NARF: variants seen among roughly 807,000 people sequenced by gnomAD.
NARF encodes the protein nuclear prelamin A recognition factor.
In NARF, 41 loss-of-function variants were observed where a neutral mutation model predicts 48.0. The ratio of observed to expected loss-of-function variants is 0.85; its 90% CI spans 0.66 to 1.11. The LOEUF is 1.11. NARF is among the 50% of genes least tolerant of loss of function. NARF has a pLI of 0.00. For missense variants in NARF, 613 were observed against 590.2 expected (o/e 1.04, Z -0.40); for synonymous variants, 215 against 225.5 (o/e 0.95, Z 0.42).
At position 82,468,704 on chromosome 17, in the gene NARF, T is replaced by A. The variant is rs991204272; in HGVS notation, c.253-60T>A. On this transcript the variant is annotated intron_variant, in intron 3 of 10. Coordinates refer to ENST00000309794, the MANE Select transcript of NARF (RefSeq NM_012336.4). ...TTGTTCTGAATTTCTCATTAAGGTGTGTAACTTTTACTCCTTGTGTAATCA... is the reference window on the plus strand; with the variant it reads ...TTGTTCTGAATTTCTCATTAAGGTGAGTAACTTTTACTCCTTGTGTAATCA... 11 of 1,552,316 alleles carry A rather than the reference T, an allele frequency of 7.1e-6. No homozygotes were observed. In the Admixed American group the frequency reaches 1.7e-4, roughly 25 times the overall value.
intron 6 of NARF, chr17:82,480,790 G>A: frequency 5.9e-6 from 3 of 510,924 alleles, no homozygotes; most frequent in Non-Finnish European, 1.0e-5. Flanking sequence ...AAATTAGCCA[G>A]GCGTGGCGGC....
intron 4 of NARF, among the ~76,000 whole-genome samples, chr17:82,470,201 C>T (rs920150054): frequency 1.4e-4 from 21 of 152,260 alleles, no homozygotes; most frequent in African/African-American, 3.9e-4. Context: ...GTGCCCTAGG[C>T]GCCTGGGCTC....
intron 5 of NARF, 94 bp downstream of exon 5, chr17:82,472,792 C>T: frequency 2.1e-6 from 3 of 1,430,938 alleles, no homozygotes; most frequent in South Asian, 2.8e-5. Flanking sequence ...GGCAGACAGA[C>T]CCATCCCACC....
In NARF at chr17:82,458,847, G is replaced by A. The variant is rs1323888738; in HGVS notation, c.27+17G>A. ...ACGCGCAAGGTGAGCGCCGCGGGCC[G>A]GGGAGGCGCGCGCCTGGTGCTTGTC... On this transcript the variant is annotated intron_variant, in intron 1 of 10. Transcript: ENST00000309794. 3.6e-6 allele frequency: 5 copies of A among 1,396,694 alleles called. No individual in the cohort carries two copies. Among genetic ancestry groups the A allele is most frequent in the Non-Finnish European group, 3.7e-6 (4 of 1,077,252 alleles). The allele number at this position is 1,396,694 out of a possible 1,614,324, so 86.5% of individuals were successfully genotyped here.
At chr17:82,481,769 C>T in intron 7 of NARF, 1 of 431,574 alleles carries the variant, frequency 2.3e-6, no homozygotes, top group Non-Finnish European at 4.6e-6. Flanking sequence ...CCTGGGAGAA[C>T]CACTTGGGCA....
chr17:82,465,691 G>T (rs577116824), intron 3 of NARF, among the ~76,000 whole-genome samples: 106 of 152,264 alleles, frequency 7.0e-4, no homozygotes, highest in African/African-American at 2.5e-3. Flanking sequence ...GTAGCCTCCA[G>T]AGCAGCTGGG....
At chr17:82,460,455 ACT>A (rs2043408651) in intron 2 of NARF, 1 of 156,714 alleles carries the variant, frequency 6.4e-6, no homozygotes, top group Admixed American at 6.5e-5. Flanking sequence ...ACAGAGTGAG[ACT>A]CTGTCCCAAA....
Position 82,487,784 on chromosome 17 carries a change from C to T in NARF, c.1130-132C>T, listed in dbSNP as rs1183156480. ...GCAACATAGCAACACCCGCCCCTCCCGCCCAATCTCTACAAAAAATTTAAA... is the reference window on the plus strand; with the variant it reads ...GCAACATAGCAACACCCGCCCCTCCTGCCCAATCTCTACAAAAAATTTAAA... On this transcript the variant is annotated intron_variant, in intron 10 of 10. Coordinates refer to ENST00000309794, the MANE Select transcript of NARF (RefSeq NM_012336.4). 9 of 649,768 alleles carry T rather than the reference C, an allele frequency of 1.4e-5. 1 individual carries two copies. The highest frequency in any genetic ancestry group is 5.5e-5 in the South Asian group (3 of 55,018). The allele number at this position is 649,768 out of a possible 1,614,324, so 40.3% of individuals were successfully genotyped here. A position where few individuals can be genotyped will look rare whatever the true frequency, so the allele number is the denominator to read the frequency against.
At chr17:82,479,614 T>A (rs1337865723) in intron 6 of NARF, among the ~76,000 whole-genome samples, 1 of 152,228 alleles carries the variant, frequency 6.6e-6, no homozygotes, top group Non-Finnish European at 1.5e-5. Context: ...CCCACACTGC[T>A]CTTCTCAATC....
rs893200985 is a variant in NARF, at chr17:82,488,414, C to T, written c.*257C>T. The T allele has an allele frequency of 1.4e-5, 6 of 423,488 alleles. No homozygotes were observed. The highest frequency in any genetic ancestry group is 2.0e-5 in the African/African-American group (1 of 48,788). The allele number at this position is 423,488 out of a possible 1,614,324, so 26.2% of individuals were successfully genotyped here. A position where few individuals can be genotyped will look rare whatever the true frequency, so the allele number is the denominator to read the frequency against. On this transcript the variant is annotated 3_prime_UTR_variant, in exon 11 of 11. Transcript: ENST00000309794. ...TTTTTGAGACGGAGTCTCACTCTGT[C>T]ACCCAGGCTGGAGTGCAATGGCGCA... is the stretch of plus-strand genomic sequence containing the variant.
chr17:82,485,691 A>G, intron 10 of NARF, 37 bp downstream of exon 10: 1 of 1,610,338 alleles, frequency 6.2e-7, no homozygotes, highest in Non-Finnish European at 8.5e-7. Flanking sequence ...TCTGTCTCCC[A>G]CGGGTGCTCA....
At position 82,483,789 on chromosome 17, in the gene NARF, T is replaced by C. The variant is rs1358491039; in HGVS notation, c.833+10T>C. On this transcript the variant is annotated intron_variant, in intron 8 of 10. Coordinates refer to ENST00000309794, the MANE Select transcript of NARF (RefSeq NM_012336.4). ...CTGCCGTCGACACTCTGTAAGTGGC[T>C]TCTCTGGGGAGAGTCCTCTGGGGGG... The C allele has an allele frequency of 1.2e-6, 2 of 1,613,138 alleles. No homozygotes were observed. Among genetic ancestry groups the C allele is most frequent in the Admixed American group, 3.3e-5 (2 of 60,012 alleles).
chr17:82,480,309 A>ACACT (rs1555629562), intron 6 of NARF: 5 of 398,578 alleles, frequency 1.3e-5, no homozygotes, highest in Non-Finnish European at 2.2e-5. Context: ...ACACACACAC[A>ACACT]CACTCACTCA....
chr17:82,464,561 A>G, intron 3 of NARF, 131 bp downstream of exon 3: 1 of 1,184,022 alleles, frequency 8.4e-7, no homozygotes, highest in South Asian at 1.6e-5. Context: ...TGGTGTTGCT[A>G]ACATCCTGCT....
At chr17:82,483,875 C>A in intron 8 of NARF, 96 bp downstream of exon 8, 2 of 1,180,150 alleles carry the variant, frequency 1.7e-6, no homozygotes, top group Admixed American at 1.8e-5. Context: ...TGCTTTATGA[C>A]GAGGCCATGT....
intron 4 of NARF, among the ~76,000 whole-genome samples, chr17:82,470,636 A>G (rs897442116): frequency 2.0e-5 from 3 of 151,884 alleles, no homozygotes; most frequent in African/African-American, 4.8e-5. Flanking sequence ...CTGGGACTAC[A>G]GGCGCCCGCC....
At chr17:82,459,858 CT>C in intron 1 of NARF, 133 bp from the exon 2 acceptor site, 1 of 667,662 alleles carries the variant, frequency 1.5e-6, no homozygotes, top group Non-Finnish European at 2.3e-6. Flanking sequence ...GAGAGCGAGA[CT>C]CCGTCTAAAA....
At chr17:82,463,662 C>A (rs2043489617) in intron 2 of NARF, 1 of 152,624 alleles carries the variant, frequency 6.6e-6, no homozygotes, top group African/African-American at 2.4e-5. Context: ...GCTGTCTGAG[C>A]AGAGCAGAGG....
chr17:82,473,266 T>A (rs1325092266), intron 5 of NARF, among the ~76,000 whole-genome samples: 3 of 147,914 alleles, frequency 2.0e-5, no homozygotes, highest in Admixed American at 6.8e-5. Flanking sequence ...AGCCCAGGAG[T>A]TTGAGACCAG....
Sources: allele counts gnomAD v4.1 joint callset (sites outside exome capture counted in the v4.1 genomes callset), GRCh38; gene constraint gnomAD v4.1.1; transcripts MANE v1.5; gene names NCBI Gene and HGNC (gene_info 2026-07-23, HGNC 2026-07-21).